C11orf65: variants seen among roughly 807,000 people sequenced by gnomAD.
The protein encoded by C11orf65 is chromosome 11 open reading frame 65.
Under a neutral mutation model 35.3 loss-of-function variants are expected in C11orf65, and 38 were observed. The ratio of observed to expected loss-of-function variants is 1.08; its 90% CI spans 0.83 to 1.41. C11orf65 has a LOEUF of 1.41. Ranked by LOEUF, C11orf65 falls within the 40% of genes most tolerant of loss-of-function variation. The pLI, the probability that C11orf65 is intolerant of heterozygous loss-of-function variation, is 0.00. For missense variants in C11orf65, 370 were observed against 367.1 expected, an observed-to-expected ratio of 1.01 and a Z score of -0.06; for synonymous variants, 105 against 114.4, an observed-to-expected ratio of 0.92 and a Z score of 0.53.
chr11:108,368,056 T>TA (rs1265476494), intron 2 of C11orf65: 2 of 207,864 alleles, frequency 9.6e-6, no homozygotes, highest in African/African-American at 4.6e-5. Context: ...ATAACATCAT[T>TA]AATCTACTCT....
At chr11:108,354,895 G>A (rs2137357409) in intron 2 of C11orf65, 1 of 1,594,584 alleles carries the variant, frequency 6.3e-7, no homozygotes, top group Non-Finnish European at 8.6e-7. Flanking sequence ...TTATAAGGAA[G>A]ACTTTATTTT....
intron 2 of C11orf65, among the ~76,000 whole-genome samples, chr11:108,447,302 C>A (rs1272819200): frequency 6.6e-6 from 1 of 152,072 alleles, no homozygotes; most frequent in African/African-American, 2.4e-5. Context: ...ATCTACAGAA[C>A]TCTCCACCCC....
chr11:108,381,888 T>C (rs909537916), downstream of C11orf65, among the ~76,000 whole-genome samples: 5 of 152,200 alleles, frequency 3.3e-5, no homozygotes, highest in Non-Finnish European at 7.3e-5. Flanking sequence ...AGTGATGGTG[T>C]GTGGCCTCTC....
intron 6 of C11orf65, among the ~76,000 whole-genome samples, chr11:108,400,121 G>A (rs1050921667): frequency 8.5e-5 from 13 of 152,122 alleles, no homozygotes; most frequent in African/African-American, 2.2e-4. Flanking sequence ...CAGCTTGTTT[G>A]TTAGATCACC....
At chr11:108,445,066 T>C (rs947908845) in intron 2 of C11orf65, among the ~76,000 whole-genome samples, 3 of 152,162 alleles carry the variant, frequency 2.0e-5, no homozygotes, top group Admixed American at 1.3e-4. Flanking sequence ...GAGGGGTGCC[T>C]GCCATTGCCC....
intron 3 of C11orf65, among the ~76,000 whole-genome samples, chr11:108,430,782 C>T (rs1485020491): frequency 2.0e-5 from 3 of 151,812 alleles, no homozygotes; most frequent in Admixed American, 1.3e-4. Flanking sequence ...GAGGTTAACG[C>T]TGCAGTGAGC....
chr11:108,367,551 T>C, intron 2 of C11orf65: 1 of 206,234 alleles, frequency 4.8e-6, no homozygotes, highest in Non-Finnish European at 9.9e-6. Context: ...CTCTTCTCCA[T>C]CCTTAGGAAA....
At chr11:108,393,126 A>T (rs774389997) in intron 7 of C11orf65, 82 bp downstream of exon 7, 218 of 1,413,656 alleles carry the variant, frequency 1.5e-4, no homozygotes, top group Non-Finnish European at 2.0e-4. Context: ...TGTGGCCCCA[A>T]GATTCAACAA....
intron 2 of C11orf65, chr11:108,367,772 G>T: frequency 4.6e-6 from 1 of 215,724 alleles, no homozygotes; most frequent in Non-Finnish European, 9.3e-6. Flanking sequence ...TTCTTGGTTT[G>T]ACTTCTGGAG....
At chr11:108,372,486 C>G (rs189892542) in intron 2 of C11orf65, among the ~76,000 whole-genome samples, 1 of 152,224 alleles carries the variant, frequency 6.6e-6, no homozygotes, top group Admixed American at 6.5e-5. Context: ...AGCCACTGTG[C>G]CTGGCCAATA....
In C11orf65 at chr11:108,406,965, T is replaced by A; in HGVS notation, c.229-2A>T. 6.2e-7 allele frequency: 1 copy of A among 1,602,014 alleles called. No individual in the cohort carries two copies. Among genetic ancestry groups the A allele is most frequent in the Non-Finnish European group, 8.5e-7 (1 of 1,170,146 alleles). On this transcript the variant is annotated splice_acceptor_variant, in intron 4 of 8. Transcript: ENST00000393084. LOFTEE classifies it high-confidence loss of function. ...GTATATATCAGGTGGAAATTTAACC[T>A]GTAGAAGGAAAAGTTCAAAGAGCCA...
chr11:108,321,354 T>G lies in C11orf65; in HGVS notation c.641-12283A>C, dbSNP rs748054311. On this transcript the variant is annotated intron_variant, in intron 6 of 6. Coordinates refer to the C11orf65 transcript ENST00000525729. ...CGCAGCCTTGAGTCTGTGTATTCGC[T>G]CTATCCCACACTTAGCAGGTTGCAG... The G allele has an allele frequency of 2.5e-6, 4 of 1,614,074 alleles. No individual in the cohort carries two copies. In the South Asian group the frequency reaches 4.4e-5, roughly 18 times the overall value.
intron 2 of C11orf65, among the ~76,000 whole-genome samples, chr11:108,363,942 G>A (rs1215073812): frequency 1.3e-5 from 2 of 151,996 alleles, no homozygotes; most frequent in Non-Finnish European, 2.9e-5. Context: ...TCCCTTTTGT[G>A]GGTGAAACTG....
chr11:108,358,906 G>C (rs2090368217), intron 2 of C11orf65, among the ~76,000 whole-genome samples: 1 of 151,404 alleles, frequency 6.6e-6, no homozygotes. Context: ...AAAATCACCA[G>C]CTAACATCAT....
At chr11:108,413,547 G>T (rs1217157247) in intron 3 of C11orf65, among the ~76,000 whole-genome samples, 1 of 152,122 alleles carries the variant, frequency 6.6e-6, no homozygotes, top group Admixed American at 6.5e-5. Flanking sequence ...TGCTGGCTAG[G>T]ACTTCAGTAC....
chr11:108,444,437 A>G (rs1353712622), intron 2 of C11orf65, among the ~76,000 whole-genome samples: 3 of 152,194 alleles, frequency 2.0e-5, no homozygotes, highest in Non-Finnish European at 2.9e-5. Context: ...CAATCAATAG[A>G]AAAAGAAGGA....
chr11:108,329,364 A>G (rs2086020214), downstream of C11orf65: 2 of 854,588 alleles, frequency 2.3e-6, no homozygotes, highest in African/African-American at 3.5e-5. Context: ...CGGCTTAACT[A>G]TATATAGATT....
chr11:108,385,580 G>A (rs2091973144), intron 8 of C11orf65, among the ~76,000 whole-genome samples: 1 of 151,994 alleles, frequency 6.6e-6, no homozygotes, highest in Non-Finnish European at 1.5e-5. Context: ...TACTTGGGAG[G>A]CTCAGGCAGG....
chr11:108,394,274 T>TATCATTC (rs962427987), intron 6 of C11orf65, among the ~76,000 whole-genome samples: 3 of 150,326 alleles, frequency 2.0e-5, no homozygotes, highest in African/African-American at 7.3e-5. Flanking sequence ...GAAGTTAAAA[T>TATCATTC]ATCATTCAAA....
Sources: gnomAD v4.1 joint callset for allele counts (sites outside exome capture counted in the v4.1 genomes callset) on GRCh38, gnomAD v4.1.1 for gene constraint, MANE v1.5 for transcripts, NCBI Gene and HGNC (gene_info 2026-07-23, HGNC 2026-07-21) for gene names.